Variants in ATP8B4 observed in about 807,000 individuals in gnomAD.
ATP8B4 encodes ATPase phospholipid transporting 8B4 (putative).
A neutral mutation model predicts 145.6 loss-of-function variants in ATP8B4; 133 were observed. That is an observed-to-expected ratio of 0.91 (90% CI 0.79 to 1.05). The LOEUF is 1.05. Ranked by LOEUF, ATP8B4 falls within the 50% of genes least tolerant of loss-of-function variation. ATP8B4 has a pLI of 0.00. For synonymous variants in ATP8B4, 507 were observed against 492.9 expected (o/e 1.03, Z -0.38); for missense variants, 1,458 against 1,425.2 (o/e 1.02, Z -0.37).
intron 7 of ATP8B4, among the ~76,000 whole-genome samples, chr15:50,005,201 C>T (rs1376936441): frequency 6.6e-6 from 1 of 152,090 alleles, no homozygotes; most frequent in Admixed American, 6.6e-5. Flanking sequence ...CCAGTGTTTT[C>T]CAACACAACG....
intron 6 of ATP8B4, among the ~76,000 whole-genome samples, chr15:50,017,798 G>A (rs1599836095): frequency 6.6e-6 from 1 of 152,124 alleles, no homozygotes; most frequent in East Asian, 1.9e-4. Context: ...TAGCATTTCT[G>A]ATTTTACAGC....
intron 7 of ATP8B4, among the ~76,000 whole-genome samples, chr15:50,007,476 T>A (rs1421902603): frequency 1.3e-5 from 2 of 152,234 alleles, no homozygotes; most frequent in Admixed American, 1.3e-4. Flanking sequence ...GCACTGTGCC[T>A]CTGTTTTCTC....
chr15:49,952,760 T>C (rs2043211674), intron 14 of ATP8B4, among the ~76,000 whole-genome samples: 1 of 152,150 alleles, frequency 6.6e-6, no homozygotes, highest in African/African-American at 2.4e-5. Flanking sequence ...TTGCAATCAT[T>C]TGGAGGTGAA....
intron 2 of ATP8B4, among the ~76,000 whole-genome samples, chr15:50,076,010 T>C (rs931519604): frequency 3.9e-5 from 6 of 152,204 alleles, no homozygotes; most frequent in Non-Finnish European, 8.8e-5. Flanking sequence ...TAATAGATTA[T>C]AGCAGCAAAA....
chr15:50,070,731 G>T (rs576213807), intron 3 of ATP8B4, among the ~76,000 whole-genome samples: 45 of 152,020 alleles, frequency 3.0e-4, no homozygotes, highest in African/African-American at 9.4e-4. Flanking sequence ...TTTTTGTGTT[G>T]TGTTTTGTTT....
intron 6 of ATP8B4, among the ~76,000 whole-genome samples, chr15:50,014,857 T>C (rs189159437): frequency 8.8e-4 from 134 of 152,336 alleles, no homozygotes; most frequent in African/African-American, 3.2e-3. Flanking sequence ...CTTTGCCTTA[T>C]TTTGCAGTAT....
chr15:50,156,641 G>C (rs1363469749), intron 1 of ATP8B4, among the ~76,000 whole-genome samples: 2 of 152,136 alleles, frequency 1.3e-5, no homozygotes, highest in Non-Finnish European at 2.9e-5. Context: ...AACTACAGTT[G>C]TAGATTTTTT....
chr15:49,983,676 C>T (rs1305034641), intron 10 of ATP8B4, among the ~76,000 whole-genome samples: 1 of 152,192 alleles, frequency 6.6e-6, no homozygotes, highest in Non-Finnish European at 1.5e-5. Context: ...AACACATATA[C>T]ACCCCACCTG....
intron 1 of ATP8B4, among the ~76,000 whole-genome samples, chr15:50,169,785 C>A (rs116153745): frequency 1.3e-5 from 2 of 151,978 alleles, no homozygotes; most frequent in African/African-American, 4.8e-5. Context: ...AAAAATGATA[C>A]AAGAAGTGAA....
intron 14 of ATP8B4, among the ~76,000 whole-genome samples, chr15:49,952,529 T>C (rs1374141934): frequency 6.6e-6 from 1 of 152,236 alleles, no homozygotes; most frequent in Non-Finnish European, 1.5e-5. Context: ...TCTCATACTG[T>C]GTTTTTCAGC....
intron 1 of ATP8B4, 143 bp from the exon 2 acceptor site, chr15:50,107,151 CT>C (rs2056725504): frequency 2.0e-6 from 1 of 503,924 alleles, no homozygotes; most frequent in African/African-American, 2.0e-5. Context: ...ATTTATGAGG[CT>C]TTAGTCCAGC....
chr15:49,994,466 C>T lies in ATP8B4; in HGVS notation c.589+2211G>A, dbSNP rs74332418. On this transcript the variant is annotated intron_variant, in intron 9 of 27. Transcript: ENST00000284509. ...CCAGCAGGGATTTACTGAGTACCTA[C>T]TATGTGCTAGACGTTGTTCTAGAAG... Among the ~76,000 whole-genome samples the T allele has an allele frequency of 6.6e-5, 10 of 152,210 alleles. No homozygotes were observed. The East Asian group carries it at 1.9e-3, about 29-fold the overall frequency.
At chr15:50,087,314 T>C (rs2055261701) in intron 2 of ATP8B4, among the ~76,000 whole-genome samples, 1 of 92,968 alleles carries the variant, frequency 1.1e-5, no homozygotes, top group Admixed American at 1.3e-4. Context: ...TTATATATAA[T>C]AGATATAGAT....
chr15:49,958,771 A>C (rs549186658), intron 14 of ATP8B4, among the ~76,000 whole-genome samples: 1 of 152,058 alleles, frequency 6.6e-6, no homozygotes, highest in South Asian at 2.1e-4. Flanking sequence ...AAATCACTCC[A>C]AAAGAGATAG....
At chr15:50,061,186 T>C (rs1163426846) in intron 3 of ATP8B4, among the ~76,000 whole-genome samples, 1 of 125,142 alleles carries the variant, frequency 8.0e-6, no homozygotes, top group Non-Finnish European at 1.7e-5. Flanking sequence ...AGAAGTATAT[T>C]GGATAAAAAA....
At chr15:50,159,493 T>C (rs1363114289) in intron 1 of ATP8B4, among the ~76,000 whole-genome samples, 1 of 152,224 alleles carries the variant, frequency 6.6e-6, no homozygotes, top group Non-Finnish European at 1.5e-5. Flanking sequence ...CTTTCTCTTG[T>C]CTGGTTGCTC....
At chr15:49,908,804 C>G (rs534041408) in intron 20 of ATP8B4, among the ~76,000 whole-genome samples, 1 of 152,146 alleles carries the variant, frequency 6.6e-6, no homozygotes, top group Non-Finnish European at 1.5e-5. Context: ...AAGTGCAAGA[C>G]GCTGACAGCA....
chr15:49,876,544 C>T lies in ATP8B4; in HGVS notation c.2782-21G>A, dbSNP rs543081429. On this transcript the variant is annotated intron_variant, in intron 24 of 27. Transcript: ENST00000284509. The stretch of plus-strand genomic sequence containing the variant: ...ACATCCTGTAAACAGAGTGTAATTT[C>T]AGTGGAGAAGGATTAAAAAGAGTCA... 3.7e-6 allele frequency: 6 copies of T among 1,613,456 alleles called. No individual in the cohort carries two copies. The Admixed American group carries it at 6.7e-5, about 18-fold the overall frequency.
chr15:50,076,385 G>C (rs995602125), intron 2 of ATP8B4, among the ~76,000 whole-genome samples: 5 of 152,080 alleles, frequency 3.3e-5, no homozygotes, highest in African/African-American at 1.2e-4. Context: ...CCAGCTACTT[G>C]GGAGGCTGAG....
Sources: gnomAD v4.1 joint callset for allele counts (sites outside exome capture counted in the v4.1 genomes callset) on GRCh38, gnomAD v4.1.1 for gene constraint, MANE v1.5 for transcripts, NCBI Gene and HGNC (gene_info 2026-07-23, HGNC 2026-07-21) for gene names.